Variants in NDST4 observed in about 807,000 individuals in gnomAD.
NDST4 encodes the protein N-heparan sulfate sulfotransferase 4.
In NDST4, 63 loss-of-function variants were observed where a neutral mutation model predicts 100.8. The ratio of observed to expected loss-of-function variants is 0.62; its 90% CI spans 0.51 to 0.77. The LOEUF is 0.77. Ranked by LOEUF, NDST4 falls within the 30% of genes least tolerant of loss-of-function variation. The probability of loss-of-function intolerance (pLI) is 0.00; values close to 1 mark genes in which losing one functional copy is unlikely to be tolerated. For missense variants in NDST4, 943 were observed against 1,018.4 expected (o/e 0.93, Z 1.01); for synonymous variants, 377 against 361.8 (o/e 1.04, Z -0.48).
chr4:115,024,549 T>C (rs138786100), intron 2 of NDST4, among the ~76,000 whole-genome samples: 2 of 152,288 alleles, frequency 1.3e-5, no homozygotes, highest in African/African-American at 4.8e-5. Context: ...TGTCCCACCA[T>C]TGTATTTTGG....
At chr4:114,905,659 A>G (rs1481574930) in intron 6 of NDST4, among the ~76,000 whole-genome samples, 1 of 151,948 alleles carries the variant, frequency 6.6e-6, no homozygotes, top group Non-Finnish European at 1.5e-5. Flanking sequence ...AATTCATTTT[A>G]TTCACTATTC....
chr4:115,018,393 A>G (rs1283793630), intron 2 of NDST4, among the ~76,000 whole-genome samples: 1 of 151,892 alleles, frequency 6.6e-6, no homozygotes, highest in East Asian at 1.9e-4. Context: ...TTCCACATAA[A>G]CAATATGGAG....
At chr4:114,951,978 C>T (rs1175185692) in intron 4 of NDST4, among the ~76,000 whole-genome samples, 1 of 152,080 alleles carries the variant, frequency 6.6e-6, no homozygotes, top group Non-Finnish European at 1.5e-5. Context: ...TTAAGTATCC[C>T]CAAGTACATT....
chr4:115,066,366 T>C (rs987866767), intron 2 of NDST4, among the ~76,000 whole-genome samples: 5 of 152,160 alleles, frequency 3.3e-5, no homozygotes, highest in African/African-American at 1.2e-4. Context: ...CTTCCATTGA[T>C]AAAGTTAAAT....
At chr4:115,024,204 T>TC (rs1161316190) in intron 2 of NDST4, among the ~76,000 whole-genome samples, 1 of 152,026 alleles carries the variant, frequency 6.6e-6, no homozygotes, top group Non-Finnish European at 1.5e-5. Context: ...CTCTAGAGAA[T>TC]CCTCACTTGA....
At position 114,921,171 on chromosome 4, in the gene NDST4, A is replaced by G. The variant is rs555674651; in HGVS notation, c.1536+14035T>C. Among the ~76,000 whole-genome samples the G allele has an allele frequency of 1.6e-4, 25 of 152,346 alleles. 1 individual carries two copies. Among genetic ancestry groups the G allele is most frequent in the African/African-American group, 6.0e-4 (25 of 41,590 alleles). On this transcript the variant is annotated intron_variant, in intron 6 of 13. Transcript: ENST00000264363. ...AGCAACTGAAACAAAAACGTTTGCC[A>G]AAAACATCTGAGGTATTTTAGTAGA...
chr4:115,076,382 C>G lies in NDST4; in HGVS notation c.655G>C (p.Asp219His). ...KVEKGPLPGE[D>H]WTIFQYNHST... The stretch of plus-strand genomic sequence containing the variant: ...TGATTATATTGGAAAATAGTCCAGT[C>G]TTCCCCAGGAAGAGGGCCTTTCTCA... The change falls in exon 2 of 14, where the codon GAC becomes CAC. Residue 219 changes from aspartate to histidine, a missense_variant. By Grantham distance (81) the Asp-to-His change is moderately conservative. Coordinates refer to ENST00000264363, the MANE Select transcript of NDST4 (RefSeq NM_022569.3). 1 of 1,613,926 alleles carries G rather than the reference C, an allele frequency of 6.2e-7. No individual in the cohort carries two copies. Among genetic ancestry groups the G allele is most frequent in the Non-Finnish European group, 8.5e-7 (1 of 1,179,958 alleles).
rs1461875793 is a variant in NDST4 at position 115,004,107 on chromosome 4, C to T, written c.979-26833G>A. ...GAAATAAGAAATTTCCTGCTCTTTG[C>T]CTATCTCTATGGATCTAATCGCCTA... is the stretch of plus-strand genomic sequence containing the variant. On this transcript the variant is annotated intron_variant, in intron 2 of 13. Transcript: ENST00000264363. Among the ~76,000 whole-genome samples, 4 of 152,122 alleles carry T rather than the reference C, an allele frequency of 2.6e-5. No individual in the cohort carries two copies. The East Asian group carries it at 7.7e-4, about 29-fold the overall frequency.
chr4:114,941,726 C>T (rs1374427179), intron 4 of NDST4, among the ~76,000 whole-genome samples: 5 of 152,260 alleles, frequency 3.3e-5, no homozygotes, highest in East Asian at 1.9e-4. Context: ...AATGGCAGCT[C>T]CCCCAGGGAG....
intron 7 of NDST4, among the ~76,000 whole-genome samples, chr4:114,856,419 C>T (rs1204139292): frequency 6.6e-6 from 1 of 151,994 alleles, no homozygotes; most frequent in Admixed American, 6.6e-5. Context: ...TATTAGAGAC[C>T]AAATATTTTC....
At chr4:115,113,111 T>C (rs1392196154) in intron 1 of NDST4, among the ~76,000 whole-genome samples, 1 of 151,972 alleles carries the variant, frequency 6.6e-6, no homozygotes, top group Non-Finnish European at 1.5e-5. Context: ...AATTGGTGCT[T>C]TTAATATGAA....
At chr4:114,961,857 A>G (rs1447664925) in intron 4 of NDST4, among the ~76,000 whole-genome samples, 1 of 152,070 alleles carries the variant, frequency 6.6e-6, no homozygotes, top group Non-Finnish European at 1.5e-5. Flanking sequence ...TATCACCCTG[A>G]CATCAAAGCC....
intron 6 of NDST4, among the ~76,000 whole-genome samples, chr4:114,927,377 C>A (rs980871873): frequency 2.0e-5 from 3 of 151,978 alleles, no homozygotes; most frequent in Non-Finnish European, 4.4e-5. Flanking sequence ...GTTTGGACAG[C>A]TTCAACAACA....
chr4:114,904,242 C>A (rs757578432), intron 6 of NDST4, among the ~76,000 whole-genome samples: 46 of 151,740 alleles, frequency 3.0e-4, no homozygotes, highest in South Asian at 8.3e-4. Context: ...TTTTAACTAC[C>A]ACATACATCA....
At chr4:114,994,294 A>G (rs1342176754) in intron 2 of NDST4, among the ~76,000 whole-genome samples, 1 of 152,066 alleles carries the variant, frequency 6.6e-6, no homozygotes, top group Non-Finnish European at 1.5e-5. Context: ...CATATAATTT[A>G]GCATTATATA....
rs569243690 is a variant in NDST4, at chr4:114,974,827, A to G, written c.1066+2360T>C. ...GAAAGAATACATGAGAAATACACAT[A>G]AGTGAAGTAGCCTAAGAAATGCAGA... On this transcript the variant is annotated intron_variant, in intron 3 of 13. Transcript: ENST00000264363. Among the ~76,000 whole-genome samples, 9 of 152,230 alleles carry G rather than the reference A, an allele frequency of 5.9e-5. No individual in the cohort carries two copies. In the South Asian group the frequency reaches 1.9e-3, roughly 32 times the overall value.
intron 6 of NDST4, among the ~76,000 whole-genome samples, chr4:114,884,049 T>C (rs1724427691): frequency 6.6e-6 from 1 of 152,148 alleles, no homozygotes; most frequent in Admixed American, 6.6e-5. Flanking sequence ...AGTCATGCCA[T>C]GCTCACACTG....
chr4:115,059,004 C>G lies in NDST4; in HGVS notation c.978+17055G>C, dbSNP rs533326127. The stretch of plus-strand genomic sequence containing the variant: ...CTACACACACACACACACACACACA[C>G]GCTCAAAATTAGATTTATTGAGGTC... On this transcript the variant is annotated intron_variant, in intron 2 of 13. Coordinates refer to ENST00000264363, the MANE Select transcript of NDST4 (RefSeq NM_022569.3). 7.4e-4 allele frequency among the ~76,000 whole-genome samples: 112 copies of G among 151,658 alleles called. 2 individuals carry two copies. The highest frequency in any genetic ancestry group is 3.3e-4 in the Admixed American group (5 of 15,198).
intron 7 of NDST4, among the ~76,000 whole-genome samples, chr4:114,867,664 G>GAAAAAAAAAAAAAAAAAAAAAAAAAA (rs1491405935): frequency 3.1e-4 from 8 of 26,072 alleles, no homozygotes; most frequent in Non-Finnish European, 5.8e-4. Context: ...AAAAAAAAAA[G>GAAAAAAAAAAAAAAAAAAAAAAAAAA]CAAAAAAAAA....
Sources: allele counts gnomAD v4.1 joint callset (sites outside exome capture counted in the v4.1 genomes callset), GRCh38; gene constraint gnomAD v4.1.1; transcripts MANE v1.5; gene names NCBI Gene and HGNC (gene_info 2026-07-23, HGNC 2026-07-21).